PPP1R9A: variants seen among roughly 807,000 people sequenced by gnomAD.
The protein encoded by PPP1R9A is protein phosphatase 1 regulatory subunit 9A.
In PPP1R9A, 59 loss-of-function variants were observed where a neutral mutation model predicts 141.9. The ratio of observed to expected loss-of-function variants is 0.42; its 90% CI spans 0.34 to 0.52. The LOEUF (loss-of-function observed/expected upper bound fraction) is 0.52, where lower values mean the gene tolerates loss of function less well. Among genes scored for constraint, PPP1R9A ranks in the 20% least tolerant of loss-of-function variants. The pLI is 0.10. For synonymous variants in PPP1R9A, 500 were observed against 569.7 expected (o/e 0.88, Z 1.74); for missense variants, 1,444 against 1,611.9 (o/e 0.90, Z 1.78).
chr7:95,178,491 A>G lies in PPP1R9A; in HGVS notation c.1754+16520A>G, dbSNP rs184649711. On this transcript the variant is annotated intron_variant, in intron 5 of 19. Coordinates refer to ENST00000433360, the MANE Select transcript of PPP1R9A (RefSeq NM_001166160.2). ...CTCAGGGAACTAGAGAAACAAGAACAAACCAAACCCAAACCCAGAAAAAGA... is the reference window on the plus strand; with the variant it reads ...CTCAGGGAACTAGAGAAACAAGAACGAACCAAACCCAAACCCAGAAAAAGA... 2.3e-4 allele frequency among the ~76,000 whole-genome samples: 35 copies of G among 152,206 alleles called. No individual in the cohort carries two copies. The East Asian group carries it at 5.0e-3, about 22-fold the overall frequency.
At chr7:95,062,156 T>C (rs1812325790) in intron 2 of PPP1R9A, among the ~76,000 whole-genome samples, 2 of 152,148 alleles carry the variant, frequency 1.3e-5, no homozygotes, top group African/African-American at 4.8e-5. Flanking sequence ...GTCAGGAGCA[T>C]GCATTAGGTG....
At chr7:95,019,930 T>C (rs1313633667) in intron 2 of PPP1R9A, among the ~76,000 whole-genome samples, 1 of 152,084 alleles carries the variant, frequency 6.6e-6, no homozygotes, top group Non-Finnish European at 1.5e-5. Flanking sequence ...TCATTTGCAA[T>C]AGCCAAAACT....
chr7:95,060,492 CACCAG>C (rs1408729086), intron 2 of PPP1R9A, among the ~76,000 whole-genome samples: 1 of 152,204 alleles, frequency 6.6e-6, no homozygotes. Context: ...GTGCCTCCTT[CACCAG>C]TGCCAAATAA....
At chr7:95,118,571 T>C (rs1179406964) in intron 3 of PPP1R9A, among the ~76,000 whole-genome samples, 2 of 152,078 alleles carry the variant, frequency 1.3e-5, no homozygotes, top group Non-Finnish European at 2.9e-5. Context: ...TTAAAACATA[T>C]GTAGAATAAA....
At chr7:95,288,834 A>G in intron 19 of PPP1R9A, 116 bp downstream of exon 19, 2 of 1,264,944 alleles carry the variant, frequency 1.6e-6, no homozygotes, top group Non-Finnish European at 2.1e-6. Context: ...ATTCTCATCA[A>G]TATTCAGCAG....
intron 2 of PPP1R9A, among the ~76,000 whole-genome samples, chr7:95,083,376 C>A (rs1203752342): frequency 6.6e-6 from 1 of 151,880 alleles, no homozygotes; most frequent in Non-Finnish European, 1.5e-5. Flanking sequence ...ACATTACATT[C>A]TTCAAGGGAG....
At chr7:95,197,446 A>G (rs1836443513) in intron 5 of PPP1R9A, among the ~76,000 whole-genome samples, 3 of 152,172 alleles carry the variant, frequency 2.0e-5, no homozygotes, top group African/African-American at 7.2e-5. Context: ...GGCATTAATA[A>G]CAAATATTTC....
At chr7:95,282,782 T>G (rs1163403097) in intron 16 of PPP1R9A, among the ~76,000 whole-genome samples, 2 of 152,236 alleles carry the variant, frequency 1.3e-5, no homozygotes, top group Non-Finnish European at 1.5e-5. Context: ...TCTTCAGTTA[T>G]CAGCCTTATA....
intron 5 of PPP1R9A, among the ~76,000 whole-genome samples, chr7:95,188,845 C>T (rs940496297): frequency 5.3e-5 from 8 of 151,970 alleles, no homozygotes; most frequent in African/African-American, 1.7e-4. Flanking sequence ...GATCCATCTG[C>T]CTCAGCCTCC....
intron 16 of PPP1R9A, 56 bp downstream of exon 16, chr7:95,274,224 C>T: frequency 1.4e-6 from 2 of 1,426,472 alleles, no homozygotes; most frequent in Admixed American, 2.2e-5. Flanking sequence ...TTCTGGCCCC[C>T]TCTTCTATTG....
chr7:95,269,817 A>G (rs546087126), intron 14 of PPP1R9A, among the ~76,000 whole-genome samples: 10 of 152,264 alleles, frequency 6.6e-5, no homozygotes, highest in African/African-American at 2.4e-4. Flanking sequence ...AGAAAAAAAC[A>G]CTACATAGTC....
At chr7:95,092,179 G>A (rs1176700362) in intron 2 of PPP1R9A, among the ~76,000 whole-genome samples, 1 of 152,078 alleles carries the variant, frequency 6.6e-6, no homozygotes, top group Non-Finnish European at 1.5e-5. Context: ...CAATCTCACT[G>A]ACCACCCAAT....
At chr7:95,129,176 C>A (rs1451749239) in intron 4 of PPP1R9A, among the ~76,000 whole-genome samples, 1 of 152,106 alleles carries the variant, frequency 6.6e-6, no homozygotes, top group Non-Finnish European at 1.5e-5. Context: ...TAGAGTTTGG[C>A]TGTGTCCCCA....
At chr7:95,102,209 G>C (rs1818884245) in intron 2 of PPP1R9A, among the ~76,000 whole-genome samples, 1 of 152,126 alleles carries the variant, frequency 6.6e-6, no homozygotes, top group East Asian at 1.9e-4. Flanking sequence ...ATATCTTCTA[G>C]ATAGAAATAT....
At chr7:94,968,986 T>A (rs1281865043) in intron 2 of PPP1R9A, among the ~76,000 whole-genome samples, 1 of 152,090 alleles carries the variant, frequency 6.6e-6, no homozygotes, top group Non-Finnish European at 1.5e-5. Flanking sequence ...GTTTTTTAGC[T>A]CCATCAGGTC....
At chr7:94,952,380 T>C (rs34367712) in intron 2 of PPP1R9A, among the ~76,000 whole-genome samples, 11,375 of 152,286 alleles carry the variant, frequency 0.075, 512 homozygotes, top group East Asian at 0.14. Flanking sequence ...TGGTTCCAAG[T>C]CTTTGCTATT....
At chr7:95,240,946 A>T (rs989492539) in intron 8 of PPP1R9A, among the ~76,000 whole-genome samples, 1 of 17,508 alleles carries the variant, frequency 5.7e-5, no homozygotes, top group African/African-American at 6.3e-4. Context: ...AAAATCTTTT[A>T]GTAGGTTAGT....
chr7:95,134,917 C>CT (rs1007743962), intron 4 of PPP1R9A, among the ~76,000 whole-genome samples: 40 of 152,202 alleles, frequency 2.6e-4, no homozygotes, highest in Admixed American at 9.8e-4. Context: ...TTGCCATTTA[C>CT]TTTTTTTAAA....
intron 4 of PPP1R9A, among the ~76,000 whole-genome samples, chr7:95,140,146 T>C (rs1826384682): frequency 6.6e-6 from 1 of 152,202 alleles, no homozygotes; most frequent in East Asian, 1.9e-4. Context: ...TCCATTCATT[T>C]TTCCACTGTA....
Sources: allele counts gnomAD v4.1 joint callset (sites outside exome capture counted in the v4.1 genomes callset), GRCh38; gene constraint gnomAD v4.1.1; transcripts MANE v1.5; gene names NCBI Gene and HGNC (gene_info 2026-07-23, HGNC 2026-07-21).